PRR14L: variants seen among roughly 807,000 people sequenced by gnomAD.
PRR14L encodes protein PRR14L.
PRR14L carries 80 observed loss-of-function variants against 155.0 expected under a neutral mutation model. The ratio of observed to expected loss-of-function variants is 0.52; its 90% CI spans 0.43 to 0.62. The LOEUF (loss-of-function observed/expected upper bound fraction) is 0.62, where lower values mean the gene tolerates loss of function less well. Among genes scored for constraint, PRR14L ranks in the 20% least tolerant of loss-of-function variants. PRR14L has a pLI of 0.00. For missense variants in PRR14L, 2,469 were observed against 2,548.0 expected, an observed-to-expected ratio of 0.97 and a Z score of 0.67; for synonymous variants, 883 against 916.0, an observed-to-expected ratio of 0.96 and a Z score of 0.65.
intron 4 of PRR14L, among the ~76,000 whole-genome samples, chr22:31,711,754 A>G (rs2074623525): frequency 7.1e-6 from 1 of 141,786 alleles, no homozygotes; most frequent in Non-Finnish European, 1.5e-5. Flanking sequence ...ACTGCACTCC[A>G]GCCTGGGCAA....
intron 7 of PRR14L, among the ~76,000 whole-genome samples, chr22:31,700,555 T>C (rs184128878): frequency 6.6e-6 from 1 of 152,348 alleles, no homozygotes; most frequent in Non-Finnish European, 1.5e-5. Flanking sequence ...AATTAGACTG[T>C]ACAGAAATCT....
intron 7 of PRR14L, among the ~76,000 whole-genome samples, chr22:31,700,161 C>G (rs999151132): frequency 1.3e-5 from 2 of 152,060 alleles, no homozygotes; most frequent in Non-Finnish European, 2.9e-5. Flanking sequence ...TGCTAGATCA[C>G]TCTATGATTT....
chr22:31,737,983 C>T (rs1421064123), intron 2 of PRR14L, among the ~76,000 whole-genome samples: 5 of 151,704 alleles, frequency 3.3e-5, no homozygotes, highest in Admixed American at 3.3e-4. Context: ...CCACTGCACT[C>T]CAGCCTGGGT....
chr22:31,704,373 A>T (rs559572971), intron 5 of PRR14L: 26 of 277,114 alleles, frequency 9.4e-5, no homozygotes, highest in African/African-American at 5.5e-4. Context: ...TTGGCTGTTA[A>T]GACATGAAAT....
intron 7 of PRR14L, among the ~76,000 whole-genome samples, chr22:31,691,836 T>C (rs1201977008): frequency 6.6e-6 from 1 of 152,158 alleles, no homozygotes; most frequent in African/African-American, 2.4e-5. Flanking sequence ...TGAATATTCA[T>C]GCACAGGTTT....
At chr22:31,725,717 G>A in intron 2 of PRR14L, 107 bp from the exon 3 acceptor site, 2 of 708,830 alleles carry the variant, frequency 2.8e-6, no homozygotes, top group Admixed American at 5.2e-5. Context: ...TTCCCAGACT[G>A]AAGTGCAATG....
Position 31,701,834 on chromosome 22 carries a change from G to T in PRR14L, c.6001-72C>A. 2.1e-5 allele frequency: 25 copies of T among 1,189,812 alleles called. No homozygotes were observed. In the South Asian group the frequency reaches 2.7e-4, roughly 13 times the overall value. The allele number at this position is 1,189,812 out of a possible 1,614,324, so 73.7% of individuals were successfully genotyped here. A position where few individuals can be genotyped will look rare whatever the true frequency, so the allele number is the denominator to read the frequency against. On this transcript the variant is annotated intron_variant, in intron 6 of 8. Transcript: ENST00000327423. ...TTATTTATATATTTTTTGAGACAAG[G>T]TCTCACTCTGTGGCCCAGGCTGGTG...
At chr22:31,708,472 A>G (rs984943318) in intron 4 of PRR14L, among the ~76,000 whole-genome samples, 1 of 151,198 alleles carries the variant, frequency 6.6e-6, no homozygotes, top group Non-Finnish European at 1.5e-5. Flanking sequence ...GATTACAAGC[A>G]TGAACCACCA....
chr22:31,746,364 C>G (rs1009051327), intron 1 of PRR14L, among the ~76,000 whole-genome samples: 7 of 152,066 alleles, frequency 4.6e-5, no homozygotes, highest in Non-Finnish European at 8.8e-5. Flanking sequence ...AGTATTTTTC[C>G]AGCTGTCAGC....
chr22:31,697,593 C>T (rs551111478), intron 7 of PRR14L, among the ~76,000 whole-genome samples: 1 of 152,234 alleles, frequency 6.6e-6, no homozygotes, highest in East Asian at 1.9e-4. Context: ...GGGATCGGCA[C>T]GATGGCTGAC....
chr22:31,688,903 C>CAT (rs763562883), intron 7 of PRR14L, among the ~76,000 whole-genome samples: 1 of 139,666 alleles, frequency 7.2e-6, no homozygotes, highest in Admixed American at 7.2e-5. Flanking sequence ...TATATACATA[C>CAT]ACACACACAC....
At chr22:31,688,373 G>A (rs1601490120) in intron 7 of PRR14L, 146 bp from the exon 8 acceptor site, 1 of 1,110,156 alleles carries the variant, frequency 9.0e-7, no homozygotes, top group Non-Finnish European at 1.2e-6. Context: ...TCCAGCCTCA[G>A]CCTCCTGAGT....
chr22:31,697,059 G>A (rs1295690035), intron 7 of PRR14L, among the ~76,000 whole-genome samples: 1 of 152,148 alleles, frequency 6.6e-6, no homozygotes, highest in East Asian at 1.9e-4. Flanking sequence ...AGGTTGCCAT[G>A]AGCCGAGATC....
Position 31,715,846 on chromosome 22 carries a change from T to G in PRR14L, c.1993A>C (p.Asn665His), listed in dbSNP as rs372376533. ...TGCAGTAGAGAGTCAGTTGGCAAAT[T>G]TGCATGTTCTTGAGAATTAAGGGAC... ...QVSLNSQEHA[N>H]LPTDSLLHLN... Residue 665 changes from asparagine (N) to histidine (H), a missense_variant, in exon 4 of 9, where the codon AAT (asparagine) becomes CAT (histidine). Around this residue, in one of 2 missense-constraint regions of PRR14L, gnomAD observed 2,363 missense variants for 2,371.6 expected, o/e 1.00. Transcript: ENST00000327423. 2 of 1,551,592 alleles carry G rather than the reference T, an allele frequency of 1.3e-6. No individual in the cohort carries two copies. The highest frequency in any genetic ancestry group is 1.7e-6 in the Non-Finnish European group (2 of 1,146,902).
chr22:31,688,614 C>T (rs76630500), intron 7 of PRR14L, among the ~76,000 whole-genome samples: 311 of 152,156 alleles, frequency 2.0e-3, no homozygotes, highest in African/African-American at 7.2e-3. Context: ...CTTTATGTAA[C>T]TGAGCCCATT....
intron 7 of PRR14L, among the ~76,000 whole-genome samples, chr22:31,694,625 G>A (rs1027812390): frequency 2.6e-5 from 4 of 151,710 alleles, no homozygotes; most frequent in East Asian, 2.0e-4. Context: ...GGTGGCGGGC[G>A]CCTGTAGTCC....
intron 7 of PRR14L, among the ~76,000 whole-genome samples, chr22:31,689,353 GA>G (rs1157472917): frequency 1.3e-5 from 2 of 151,936 alleles, no homozygotes; most frequent in Non-Finnish European, 2.9e-5. Context: ...AACTGGCCCT[GA>G]ATCCCTTTGA....
rs367563131 is a variant in PRR14L, at chr22:31,713,909, T to A, written c.3930A>T (p.Lys1310Asn). 206 of 1,551,854 alleles carry A rather than the reference T, an allele frequency of 1.3e-4. No individual in the cohort carries two copies. Among genetic ancestry groups the A allele is most frequent in the Non-Finnish European group, 1.7e-4 (195 of 1,147,048 alleles). Reference protein sequence around the residue: ...VCTCVEKNACKACHPHENSSD... With the variant: ...VCTCVEKNACNACHPHENSSD... ...AGGAATTCTCGTGAGGGTGACAAGC[T>A]TTGCAAGCATTCTTTTCCACACAGG... Residue 1310 changes from lysine (K) to asparagine (N), a missense_variant, in exon 4 of 9, where the codon AAA becomes AAT. Transcript: ENST00000327423.
chr22:31,692,995 A>G (rs1229725182), intron 7 of PRR14L, among the ~76,000 whole-genome samples: 1 of 152,120 alleles, frequency 6.6e-6, no homozygotes, highest in Non-Finnish European at 1.5e-5. Flanking sequence ...TCACAGAAAG[A>G]CTGAGCAGAA....
Sources: gnomAD v4.1 joint callset for allele counts (sites outside exome capture counted in the v4.1 genomes callset) on GRCh38, gnomAD v4.1.1 for gene constraint, gnomAD v4.1.1 regional missense constraint, MANE v1.5 for transcripts, NCBI Gene and HGNC (gene_info 2026-07-23, HGNC 2026-07-21) for gene names.